DCLK1: variants seen among roughly 807,000 people sequenced by gnomAD.
The protein encoded by DCLK1 is doublecortin like kinase 1.
DCLK1 carries 16 observed loss-of-function variants against 86.2 expected under a neutral mutation model. The ratio of observed to expected loss-of-function variants is 0.19; its 90% CI spans 0.13 to 0.28. The LOEUF is 0.28. DCLK1 is among the 10% of genes least tolerant of loss of function. The pLI, the probability that DCLK1 is intolerant of heterozygous loss-of-function variation, is 1.00. For synonymous variants in DCLK1, 369 were observed against 370.5 expected (o/e 1.00, Z 0.05); for missense variants, 590 against 940.2 (o/e 0.63, Z 4.87).
At chr13:35,914,335 ATAT>A (rs1566600182) in intron 4 of DCLK1, among the ~76,000 whole-genome samples, 168 of 2,142 alleles carry the variant, frequency 0.078, 2 homozygotes, top group Middle Eastern at 0.5. Flanking sequence ...AAAAAAAAAT[ATAT>A]ATATATATAT....
intron 3 of DCLK1, among the ~76,000 whole-genome samples, chr13:36,088,753 C>G (rs1253412078): frequency 1.3e-5 from 2 of 152,192 alleles, no homozygotes; most frequent in Non-Finnish European, 2.9e-5. Context: ...AAAGATCTAT[C>G]TCTCTTGACA....
chr13:35,811,842 AAAAG>A (rs1288160478), intron 11 of DCLK1, among the ~76,000 whole-genome samples: 3 of 152,180 alleles, frequency 2.0e-5, no homozygotes, highest in Admixed American at 1.3e-4. Context: ...CTGAAAAAAA[AAAAG>A]AAAGAAACTT....
chr13:35,813,337 C>T (rs755895515), intron 11 of DCLK1, among the ~76,000 whole-genome samples: 2 of 152,190 alleles, frequency 1.3e-5, no homozygotes, highest in Non-Finnish European at 2.9e-5. Flanking sequence ...CACCACCTAA[C>T]TGTACTCAAA....
intron 15 of DCLK1, among the ~76,000 whole-genome samples, chr13:35,796,978 G>A (rs1268089596): frequency 1.1e-4 from 17 of 152,172 alleles, no homozygotes; most frequent in Admixed American, 1.1e-3. Flanking sequence ...GGACCCAGTG[G>A]AACACAGTTA....
intron 14 of DCLK1, among the ~76,000 whole-genome samples, 164 bp downstream of exon 14, chr13:35,808,060 T>C (rs1032357044): frequency 2.1e-4 from 32 of 152,216 alleles, no homozygotes; most frequent in African/African-American, 7.7e-4. Context: ...TGGGAACAGA[T>C]GACTTGATGA....
intron 3 of DCLK1, among the ~76,000 whole-genome samples, chr13:35,953,023 T>C (rs1877788782): frequency 6.6e-6 from 1 of 152,224 alleles, no homozygotes; most frequent in Admixed American, 6.5e-5. Flanking sequence ...TCTAATATGC[T>C]TTATCACAGT....
At chr13:36,041,596 G>A (rs746772787) in intron 3 of DCLK1, among the ~76,000 whole-genome samples, 15 of 152,066 alleles carry the variant, frequency 9.9e-5, no homozygotes, top group Non-Finnish European at 1.8e-4. Flanking sequence ...AAAAGAAAAA[G>A]GAAGCTGAAT....
chr13:35,855,456 A>G (rs1209664291), intron 5 of DCLK1: 12 of 1,525,712 alleles, frequency 7.9e-6, no homozygotes, highest in Non-Finnish European at 9.9e-6. Context: ...TAGATTCTTG[A>G]GGGTGCAAAA....
chr13:35,928,680 T>C (rs1476930633), intron 4 of DCLK1, among the ~76,000 whole-genome samples: 3 of 152,232 alleles, frequency 2.0e-5, no homozygotes, highest in Non-Finnish European at 2.9e-5. Context: ...GTGATATGCC[T>C]AGTGCTAAGA....
rs189863814 is a variant in DCLK1, at chr13:35,851,084, G to A, written c.1035+3415C>T. ...GGTCAACTCCACTACTATGTGACTA[G>A]GCAATTCTTCCTTGACCATTTCCTT... On this transcript the variant is annotated intron_variant, in intron 6 of 16. Transcript: ENST00000360631. 8.1e-4 allele frequency among the ~76,000 whole-genome samples: 123 copies of A among 152,198 alleles called. 1 individual carries two copies. The highest frequency in any genetic ancestry group is 6.8e-3 in the Middle Eastern group (2 of 294).
rs1452965748 is a variant in DCLK1, at chr13:35,771,537, G to A, written c.*2998C>T. Reference sequence around the variant, plus strand: ...CTGCTACAATGTTGAGAAAAAATGTGTTCATTAATATGAACACATGTCTAC... The same window carrying A: ...CTGCTACAATGTTGAGAAAAAATGTATTCATTAATATGAACACATGTCTAC... On this transcript the variant is annotated 3_prime_UTR_variant, in exon 17 of 17. Transcript: ENST00000360631. 1 of 152,132 alleles carries A rather than the reference G, an allele frequency of 6.6e-6. No homozygotes were observed. The highest frequency in any genetic ancestry group is 1.5e-5 in the Non-Finnish European group (1 of 68,026). 9.4% of individuals were successfully genotyped at this position (152,132 alleles called of 1,614,324 possible).
intron 15 of DCLK1, among the ~76,000 whole-genome samples, chr13:35,797,017 G>A (rs533970906): frequency 7.2e-5 from 11 of 152,302 alleles, no homozygotes; most frequent in African/African-American, 2.6e-4. Flanking sequence ...GAGACTGGGT[G>A]TCCACTAATC....
At chr13:35,915,743 G>C (rs1382819363) in intron 4 of DCLK1, among the ~76,000 whole-genome samples, 1 of 152,070 alleles carries the variant, frequency 6.6e-6, no homozygotes, top group Non-Finnish European at 1.5e-5. Context: ...TGAATTTTCA[G>C]TCTGAATAAT....
chr13:35,920,506 G>T (rs1336236500), intron 4 of DCLK1, among the ~76,000 whole-genome samples: 5 of 151,960 alleles, frequency 3.3e-5, no homozygotes, highest in African/African-American at 1.2e-4. Context: ...AAGGAGTTAG[G>T]CTTGAAGCAG....
chr13:35,902,310 A>G (rs6563210), intron 4 of DCLK1, among the ~76,000 whole-genome samples: 47,897 of 152,106 alleles, frequency 0.31, 8,350 homozygotes, highest in African/African-American at 0.44. Context: ...TGTGGCATAT[A>G]TGGTGATTCT....
At chr13:36,029,769 A>T (rs929488991) in intron 3 of DCLK1, among the ~76,000 whole-genome samples, 2 of 152,170 alleles carry the variant, frequency 1.3e-5, no homozygotes, top group Non-Finnish European at 2.9e-5. Context: ...GTTCCACAGA[A>T]TTTTCATTAC....
intron 3 of DCLK1, among the ~76,000 whole-genome samples, chr13:36,033,475 C>A (rs980554944): frequency 6.6e-6 from 1 of 152,094 alleles, no homozygotes; most frequent in Admixed American, 6.6e-5. Flanking sequence ...ACAGTTTAAA[C>A]CATTTATTCT....
intron 3 of DCLK1, among the ~76,000 whole-genome samples, chr13:36,061,466 G>C (rs983672862): frequency 1.3e-5 from 2 of 152,044 alleles, no homozygotes; most frequent in Non-Finnish European, 2.9e-5. Context: ...TGGCTGAGAG[G>C]GCAATAAAAC....
At chr13:36,014,270 A>G (rs1010091932) in intron 3 of DCLK1, among the ~76,000 whole-genome samples, 8 of 152,232 alleles carry the variant, frequency 5.3e-5, no homozygotes, top group African/African-American at 1.7e-4. Flanking sequence ...TGAAGATCAT[A>G]TAAACAAAAT....
Sources: allele counts gnomAD v4.1 joint callset (sites outside exome capture counted in the v4.1 genomes callset), GRCh38; gene constraint gnomAD v4.1.1; transcripts MANE v1.5; gene names NCBI Gene and HGNC (gene_info 2026-07-23, HGNC 2026-07-21).